The following NEDD4 variants were observed in gnomAD, a reference collection of about 807,000 sequenced individuals.
The protein encoded by NEDD4 is E3 ubiquitin-protein ligase NEDD4.
NEDD4 carries 99 observed loss-of-function variants against 144.9 expected under a neutral mutation model. That is an observed-to-expected ratio of 0.68 (90% confidence interval 0.58 to 0.81). NEDD4 has a LOEUF of 0.81. Among genes scored for constraint, NEDD4 ranks in the 30% least tolerant of loss-of-function variants. The pLI, the probability that NEDD4 is intolerant of heterozygous loss-of-function variation, is 0.00. For missense variants in NEDD4, 985 were observed against 1,065.9 expected, an observed-to-expected ratio of 0.92 and a Z score of 1.06; for synonymous variants, 318 against 350.6, an observed-to-expected ratio of 0.91 and a Z score of 1.04.
At chr15:55,972,753 C>T (rs550873209) in intron 1 of NEDD4, among the ~76,000 whole-genome samples, 1 of 152,250 alleles carries the variant, frequency 6.6e-6, no homozygotes, top group South Asian at 2.1e-4. Flanking sequence ...AAACACACTT[C>T]ACCTATAAAG....
chr15:55,896,213 ACT>A (rs1162315353), intron 5 of NEDD4, among the ~76,000 whole-genome samples: 1 of 151,982 alleles, frequency 6.6e-6, no homozygotes, highest in Non-Finnish European at 1.5e-5. Context: ...ACAGAGTCTC[ACT>A]CTGTTGCCCA....
At chr15:55,963,656 A>G (rs1297868798) in intron 2 of NEDD4, among the ~76,000 whole-genome samples, 1 of 152,186 alleles carries the variant, frequency 6.6e-6, no homozygotes, top group African/African-American at 2.4e-5. Flanking sequence ...CATATGTTTT[A>G]TTTTAAAAAG....
At chr15:55,863,518 G>A (rs1353236899) in intron 8 of NEDD4, among the ~76,000 whole-genome samples, 1 of 152,074 alleles carries the variant, frequency 6.6e-6, no homozygotes, top group Non-Finnish European at 1.5e-5. Flanking sequence ...TGCATTGTAA[G>A]TATATATCAA....
In NEDD4 at chr15:55,846,952, T is replaced by C. The variant is rs2033773436; in HGVS notation, c.1608+17A>G. On this transcript the variant is annotated intron_variant, in intron 18 of 28. Transcript: ENST00000435532. ...TATATTGATGACTCTTAAGTATTTA[T>C]TATAAACATGACTAACCTGCTTCTT... 1 of 1,504,242 alleles carries C rather than the reference T, an allele frequency of 6.6e-7. No individual in the cohort carries two copies. Among genetic ancestry groups the C allele is most frequent in the Non-Finnish European group, 9.2e-7 (1 of 1,083,920 alleles). 93.2% of individuals were successfully genotyped at this position (1,504,242 alleles called of 1,614,324 possible).
chr15:55,974,514 C>T (rs1306841533), intron 1 of NEDD4, among the ~76,000 whole-genome samples: 9 of 151,744 alleles, frequency 5.9e-5, no homozygotes, highest in African/African-American at 1.7e-4. Context: ...TGCAAAAATC[C>T]GTAATAAAAT....
At chr15:55,959,169 C>T (rs1463016259) in intron 2 of NEDD4, among the ~76,000 whole-genome samples, 1 of 151,844 alleles carries the variant, frequency 6.6e-6, no homozygotes, top group Non-Finnish European at 1.5e-5. Context: ...CATAAACTTC[C>T]CTCTGAATAT....
At chr15:55,966,659 G>A (rs2037518022) in intron 1 of NEDD4, 113 bp from the exon 2 acceptor site, 5 of 463,136 alleles carry the variant, frequency 1.1e-5, no homozygotes, top group South Asian at 7.2e-5. Context: ...ATTAATTGAA[G>A]AATCTTTTTC....
intron 5 of NEDD4, among the ~76,000 whole-genome samples, chr15:55,887,087 G>A (rs2035417995): frequency 6.7e-6 from 1 of 150,288 alleles, no homozygotes; most frequent in Non-Finnish European, 1.5e-5. Context: ...GCATCTTAAA[G>A]AACTAGAAAA....
intron 2 of NEDD4, among the ~76,000 whole-genome samples, chr15:55,964,695 G>A (rs2142326607): frequency 1.6e-4 from 1 of 6,396 alleles, no homozygotes; most frequent in African/African-American, 7.5e-4. Flanking sequence ...TGCTGCTGGT[G>A]TGTGTGTGTG....
intron 4 of NEDD4, 54 bp downstream of exon 4, chr15:55,951,322 T>G (rs1189951933): frequency 2.7e-6 from 2 of 727,738 alleles, no homozygotes; most frequent in Non-Finnish European, 4.4e-6. Flanking sequence ...CATTCTAACC[T>G]CCTAAGAAAA....
At chr15:55,970,093 G>A (rs2037582330) in intron 1 of NEDD4, among the ~76,000 whole-genome samples, 1 of 152,036 alleles carries the variant, frequency 6.6e-6, no homozygotes, top group Admixed American at 6.6e-5. Flanking sequence ...AAGAGACGTT[G>A]GGCCCTTAAT....
Position 55,842,022 on chromosome 15 carries a change from C to T in NEDD4, c.1750G>A (p.Asp584Asn). 1 of 1,614,186 alleles carries T rather than the reference C, an allele frequency of 6.2e-7. No individual in the cohort carries two copies. The highest frequency in any genetic ancestry group is 8.5e-7 in the Non-Finnish European group (1 of 1,180,018). ...WIEFDGEKGLDYGGVAREWFF... is the reference protein window; with the variant it reads ...WIEFDGEKGLNYGGVAREWFF... ...CATTCTCTGGCAACTCCTCCATAAT[C>T]CAATCCCTTTTCACCATCAAACTCA... is the stretch of plus-strand genomic sequence containing the variant. The change falls in exon 19 of 29, where the codon GAT (aspartate) becomes AAT (asparagine). Residue 584 changes from aspartate to asparagine, a missense_variant. By Grantham distance (23) the Asp-to-Asn change is conservative. Transcript: ENST00000435532.
At chr15:55,970,822 C>T (rs1479062867) in intron 1 of NEDD4, among the ~76,000 whole-genome samples, 1 of 152,194 alleles carries the variant, frequency 6.6e-6, no homozygotes, top group Non-Finnish European at 1.5e-5. Flanking sequence ...AGGATGGGTA[C>T]AAACCAGCCC....
chr15:55,959,508 T>C (rs2037392366), intron 2 of NEDD4, among the ~76,000 whole-genome samples: 1 of 152,234 alleles, frequency 6.6e-6, no homozygotes, highest in Admixed American at 6.5e-5. Context: ...ATCCAGACAC[T>C]AGGGCAGCTC....
In NEDD4 at chr15:55,829,415, G is replaced by C. The variant is rs1038750197; in HGVS notation, c.*482C>G. ...TGCGAGTAGCACTAAATATATTGTA[G>C]TTTACTCAATAGTAAAGTATTTCTT... On this transcript the variant is annotated 3_prime_UTR_variant, in exon 29 of 29. Coordinates refer to ENST00000435532, the MANE Select transcript of NEDD4 (RefSeq NM_006154.4). The C allele has an allele frequency of 1.9e-5, 3 of 154,082 alleles. No homozygotes were observed. Among genetic ancestry groups the C allele is most frequent in the African/African-American group, 7.2e-5 (3 of 41,454 alleles). The allele number at this position is 154,082 out of a possible 1,614,324, so 9.5% of individuals were successfully genotyped here.
chr15:55,883,351 C>T lies in NEDD4; in HGVS notation c.292-9343G>A, dbSNP rs145840193. Among the ~76,000 whole-genome samples, 295 of 152,230 alleles carry T rather than the reference C, an allele frequency of 1.9e-3. 9 individuals carry two copies. The East Asian group carries it at 0.052, about 27-fold the overall frequency. On this transcript the variant is annotated intron_variant, in intron 5 of 28. Coordinates refer to ENST00000435532, the MANE Select transcript of NEDD4 (RefSeq NM_006154.4). Reference sequence around the variant, plus strand: ...GAACTTTGTCTTATGGTTTGTGTGTCCACTCAGCTGCAGCAGAATAGTGTA... The same window carrying T: ...GAACTTTGTCTTATGGTTTGTGTGTTCACTCAGCTGCAGCAGAATAGTGTA...
intron 1 of NEDD4, among the ~76,000 whole-genome samples, chr15:55,979,347 T>C (rs1355313999): frequency 1.1e-4 from 13 of 122,422 alleles, no homozygotes; most frequent in Non-Finnish European, 1.5e-4. Flanking sequence ...CTCTTTTTTT[T>C]TTTTTTTTTT....
At chr15:55,951,441 T>C in intron 3 of NEDD4, 27 bp from the exon 4 acceptor site, 1 of 1,241,902 alleles carries the variant, frequency 8.1e-7, no homozygotes. Flanking sequence ...ATAGTATAAC[T>C]AAATAAGGTT....
At chr15:55,896,187 C>T (rs1424783889) in intron 5 of NEDD4, among the ~76,000 whole-genome samples, 1 of 152,016 alleles carries the variant, frequency 6.6e-6, no homozygotes, top group Non-Finnish European at 1.5e-5. Context: ...TCACTTTTGT[C>T]TTTATTTATT....
Sources: gnomAD v4.1 joint callset for allele counts (sites outside exome capture counted in the v4.1 genomes callset) on GRCh38, gnomAD v4.1.1 for gene constraint, MANE v1.5 for transcripts, NCBI Gene and HGNC (gene_info 2026-07-23, HGNC 2026-07-21) for gene names.